The following RCC1L variants were observed in gnomAD, a reference collection of about 807,000 sequenced individuals.
The protein encoded by RCC1L is RCC1-like G exchanging factor-like protein.
Under a neutral mutation model 58.6 loss-of-function variants are expected in RCC1L, and 46 were observed. That is an observed-to-expected ratio of 0.79 (90% CI 0.62 to 1.00). The LOEUF is 1.00. RCC1L is among the 50% of genes least tolerant of loss of function. The probability of loss-of-function intolerance (pLI) is 0.00; values close to 1 mark genes in which losing one functional copy is unlikely to be tolerated. For missense variants in RCC1L, 636 were observed against 623.6 expected (o/e 1.02, Z -0.21); for synonymous variants, 281 against 262.9 (o/e 1.07, Z -0.67).
chr7:75,051,363 T>C (rs898913756), intron 10 of RCC1L, among the ~76,000 whole-genome samples: 10 of 144,188 alleles, frequency 6.9e-5, no homozygotes, highest in South Asian at 2.1e-4. Context: ...CACATATATA[T>C]ACACACATAT....
At chr7:75,067,223 C>A (rs929651365) in intron 2 of RCC1L, among the ~76,000 whole-genome samples, 1 of 152,002 alleles carries the variant, frequency 6.6e-6, no homozygotes, top group Non-Finnish European at 1.5e-5. Context: ...ACTGCTTGAA[C>A]CCGGAAGGCG....
intron 9 of RCC1L, among the ~76,000 whole-genome samples, chr7:75,055,192 T>C (rs1554443736): frequency 6.6e-6 from 1 of 152,228 alleles, no homozygotes; most frequent in Non-Finnish European, 1.5e-5. Flanking sequence ...AATCACAGAA[T>C]GAAATTAATT....
chr7:75,071,587 C>G (rs1344931366), intron 1 of RCC1L, among the ~76,000 whole-genome samples: 1 of 152,156 alleles, frequency 6.6e-6, no homozygotes, highest in Non-Finnish European at 1.5e-5. Flanking sequence ...TTGCAGTGAG[C>G]CAAGATGGCG....
At chr7:75,038,581 G>C (rs911554884), downstream of RCC1L, among the ~76,000 whole-genome samples, 85 of 151,328 alleles carry the variant, frequency 5.6e-4, no homozygotes, top group Middle Eastern at 3.4e-3. Context: ...CTCCATGGGT[G>C]GGGGCAGGAG....
intron 3 of RCC1L, 57 bp from the exon 4 acceptor site, chr7:75,064,705 T>C (rs1011430592): frequency 1.1e-4 from 182 of 1,591,844 alleles, no homozygotes; most frequent in Non-Finnish European, 1.6e-4. Context: ...TCCTAGAATG[T>C]GAGGACTGGA....
At chr7:75,057,982 A>C (rs1806133764) in intron 7 of RCC1L, 1 of 326,754 alleles carries the variant, frequency 3.1e-6, no homozygotes, top group Non-Finnish European at 6.0e-6. Context: ...ACATGGTGAA[A>C]CCCTGTCTCT....
Position 75,059,554 on chromosome 7 carries a change from G to A in RCC1L, c.788-785C>T, listed in dbSNP as rs920017810. Among the ~76,000 whole-genome samples, 528 of 152,180 alleles carry A rather than the reference G, an allele frequency of 3.5e-3. 5 individuals are homozygous for A. Among genetic ancestry groups the A allele is most frequent in the African/African-American group, 0.011 (439 of 41,540 alleles). ...CCCAAAGTGCTGGGATTATAGGCGT[G>A]AGCCACTGCGCCTGGTCTAAAATTT... On this transcript the variant is annotated intron_variant, in intron 6 of 10. Coordinates refer to ENST00000610322, the MANE Select transcript of RCC1L (RefSeq NM_030798.5).
chr7:75,031,891 G>A (rs1563068667), intron 10 of RCC1L, among the ~76,000 whole-genome samples: 1 of 152,354 alleles, frequency 6.6e-6, no homozygotes, highest in East Asian at 1.9e-4. Context: ...AGGCCTGGCT[G>A]TAGGCAGGAG....
rs891761782 is a variant in RCC1L, at chr7:75,057,557, G to A, written c.1029C>T (p.Cys343=). Residue 343 remains cysteine (C), a synonymous_variant, in exon 8 of 11, where the codon TGC becomes TGT. Transcript: ENST00000610322. ...TTAACACTGCACAGCCCGTGCCACCGCATGCAGCCTGTCGCACCTTCCCCA... is the reference window on the plus strand; with the variant it reads ...TTAACACTGCACAGCCCGTGCCACCACATGCAGCCTGTCGCACCTTCCCCA... ...SGVGKVRQAA[C]GGTGCAVLNG... is the part of the protein sequence containing the mutation. The A allele has an allele frequency of 2.4e-4, 384 of 1,613,898 alleles. No individual in the cohort carries two copies. The African/African-American group carries it at 4.3e-3, about 18-fold the overall frequency.
At chr7:75,057,271 C>A (rs1475080574) in intron 8 of RCC1L, among the ~76,000 whole-genome samples, 4 of 152,166 alleles carry the variant, frequency 2.6e-5, no homozygotes, top group Admixed American at 2.6e-4. Flanking sequence ...CCACACCCAG[C>A]CTTCCAGCTA....
At chr7:75,029,453 C>T (rs1207399842) in intron 10 of RCC1L, among the ~76,000 whole-genome samples, 4 of 151,158 alleles carry the variant, frequency 2.6e-5, no homozygotes, top group Non-Finnish European at 5.9e-5. Flanking sequence ...AAGTGATTCT[C>T]CTGCCTCAGC....
chr7:75,062,848 G>A (rs1440178987), intron 5 of RCC1L, among the ~76,000 whole-genome samples: 1 of 152,070 alleles, frequency 6.6e-6, no homozygotes, highest in Non-Finnish European at 1.5e-5. Flanking sequence ...CCAGGCTGGA[G>A]TGCAGTGGTG....
In RCC1L at chr7:75,066,637, C is replaced by G. The variant is rs1554445165; in HGVS notation, c.583+27G>C. The G allele has an allele frequency of 5.6e-6, 9 of 1,608,320 alleles. No homozygotes were observed. The South Asian group carries it at 9.9e-5, about 18-fold the overall frequency. On this transcript the variant is annotated intron_variant, in intron 3 of 10. Transcript: ENST00000610322. ...ACAGTGAAATGGTCCCTGCACTCTT[C>G]CATCACCCTTCAATAGGTCAACTCA...
At position 75,070,608 on chromosome 7, in the gene RCC1L, C is replaced by T. The variant is rs782215848; in HGVS notation, c.454+32G>A. 15 of 1,610,612 alleles carry T rather than the reference C, an allele frequency of 9.3e-6. No individual in the cohort carries two copies. The East Asian group carries it at 1.1e-4, about 12-fold the overall frequency. On this transcript the variant is annotated intron_variant, in intron 2 of 10. Coordinates refer to ENST00000610322, the MANE Select transcript of RCC1L (RefSeq NM_030798.5). ...AAAAAGAGCTTTCTCAGACCAATCCCGGCAAAGAGGAGACAAGGTAGGGAT... is the reference window on the plus strand; with the variant it reads ...AAAAAGAGCTTTCTCAGACCAATCCTGGCAAAGAGGAGACAAGGTAGGGAT...
At chr7:75,058,299 C>T (rs1181701507) in intron 7 of RCC1L, 12 of 387,786 alleles carry the variant, frequency 3.1e-5, no homozygotes, top group Admixed American at 1.1e-4. Flanking sequence ...TGTGGTGGCA[C>T]GATCTCAGCT....
Position 75,066,761 on chromosome 7 carries a change from T to C in RCC1L, c.486A>G (p.Ser162=). Residue 162 remains serine, a synonymous_variant, in exon 3 of 11, where the codon TCA becomes TCG. Transcript: ENST00000610322. The stretch of plus-strand genomic sequence containing the variant: ...GTCTGTCCAGAGGCAGGGAGACGGG[T>C]GAGGGCTCCAACACATACTCGTAGC... The part of the protein sequence containing the change: ...TRGYEYVLEP[S]PVSLPLDRPQ... 6.2e-7 allele frequency: 1 copy of C among 1,612,820 alleles called. No individual in the cohort carries two copies. The highest frequency in any genetic ancestry group is 8.5e-7 in the Non-Finnish European group (1 of 1,179,502).
intron 2 of RCC1L, among the ~76,000 whole-genome samples, chr7:75,067,628 G>C (rs1806546511): frequency 6.8e-6 from 1 of 147,180 alleles, no homozygotes; most frequent in Admixed American, 6.6e-5. Context: ...GCGAGACACT[G>C]TTTTAAAAAA....
chr7:75,057,569 T>C lies in RCC1L; in HGVS notation c.1017A>G (p.Arg339=). ...AGCCCGTGCCACCGCATGCAGCCTG[T>C]CGCACCTTCCCCACTCCTGAGAAGT... The part of the protein sequence containing the change: ...CLHFSGVGKV[R]QAACGGTGCA... The change falls in exon 8 of 11, where the codon CGA becomes CGG. Residue 339 remains arginine, a synonymous_variant. Transcript: ENST00000610322. 6.2e-7 allele frequency: 1 copy of C among 1,613,910 alleles called. No homozygotes were observed. The highest frequency in any genetic ancestry group is 8.5e-7 in the Non-Finnish European group (1 of 1,179,850).
intron 9 of RCC1L, 75 bp from the exon 10 acceptor site, chr7:75,052,871 GAAC>G (rs1805958029): frequency 1.4e-6 from 2 of 1,409,080 alleles, no homozygotes; most frequent in African/African-American, 2.8e-5. Context: ...TGGGTCATGA[GAAC>G]AGGCTTTCTA....
Sources: allele counts gnomAD v4.1 joint callset (sites outside exome capture counted in the v4.1 genomes callset), GRCh38; gene constraint gnomAD v4.1.1; transcripts MANE v1.5; gene names NCBI Gene and HGNC (gene_info 2026-07-23, HGNC 2026-07-21).